Variants in GRID2 observed in about 807,000 individuals in gnomAD.
GRID2 encodes the protein glutamate receptor ionotropic, delta-2.
Under a neutral mutation model 114.8 loss-of-function variants are expected in GRID2, and 33 were observed. That is an observed-to-expected ratio of 0.29 (90% CI 0.22 to 0.38). The LOEUF is 0.38. Ranked by LOEUF, GRID2 falls within the 10% of genes least tolerant of loss-of-function variation. GRID2 has a pLI of 1.00. For missense variants in GRID2, 1,184 were observed against 1,257.7 expected (o/e 0.94, Z 0.89); for synonymous variants, 505 against 449.9 (o/e 1.12, Z -1.55).
intron 14 of GRID2, among the ~76,000 whole-genome samples, chr4:93,680,676 AC>A (rs1725430867): frequency 6.7e-6 from 1 of 149,188 alleles, no homozygotes; most frequent in South Asian, 2.1e-4. Context: ...AAAGACAAAA[AC>A]CACATGATTA....
rs562813655 is a variant in GRID2, at chr4:93,593,013, T to C, written c.2194-33256T>C. On this transcript the variant is annotated intron_variant, in intron 13 of 15. Coordinates refer to ENST00000282020, the MANE Select transcript of GRID2 (RefSeq NM_001510.4). The stretch of plus-strand genomic sequence containing the variant: ...TGATGGGTCTTGACTCTTTATCCAA[T>C]TTGCCAGTCTGTGTCTTTTAATTGG... 1.4e-4 allele frequency among the ~76,000 whole-genome samples: 22 copies of C among 151,874 alleles called. 1 individual carries two copies. In the South Asian group the frequency reaches 2.5e-3, roughly 17 times the overall value.
chr4:92,792,499 ACACACT>A (rs1402648671), intron 2 of GRID2, among the ~76,000 whole-genome samples: 3 of 143,216 alleles, frequency 2.1e-5, no homozygotes, highest in South Asian at 2.2e-4. Context: ...ACACACACAC[ACACACT>A]GTCACTCTCT....
intron 8 of GRID2, among the ~76,000 whole-genome samples, chr4:93,325,628 C>G (rs1757746478): frequency 6.6e-6 from 1 of 151,866 alleles, no homozygotes; most frequent in African/African-American, 2.4e-5. Flanking sequence ...TAGAAGTTCT[C>G]CCTCTTATTC....
rs1727857800 is a variant in GRID2 at position 92,347,923 on chromosome 4, G to A, written c.88+43179G>A. On this transcript the variant is annotated intron_variant, in intron 1 of 15. Coordinates refer to ENST00000282020, the MANE Select transcript of GRID2 (RefSeq NM_001510.4). ...AATAAGCTAATCATCTCTGAAAACA[G>A]CAGCAGCTTTATAAAATAAGTAATA... Among the ~76,000 whole-genome samples the A allele has an allele frequency of 2.0e-5, 3 of 152,114 alleles. No homozygotes were observed. In the South Asian group the frequency reaches 6.2e-4, roughly 32 times the overall value.
chr4:93,108,567 A>G (rs932811449), intron 3 of GRID2, among the ~76,000 whole-genome samples: 5 of 152,100 alleles, frequency 3.3e-5, no homozygotes, highest in Admixed American at 2.0e-4. Context: ...AAGTAACTCA[A>G]ATAAAGAACA....
intron 2 of GRID2, among the ~76,000 whole-genome samples, chr4:92,616,056 A>G (rs147072347): frequency 1.3e-5 from 2 of 151,768 alleles, no homozygotes; most frequent in Non-Finnish European, 1.5e-5. Flanking sequence ...ATTTGCCCAC[A>G]TAATTATCTT....
At chr4:93,523,559 AT>A (rs1304603135) in intron 13 of GRID2, among the ~76,000 whole-genome samples, 8 of 152,180 alleles carry the variant, frequency 5.3e-5, no homozygotes, top group Non-Finnish European at 8.8e-5. Context: ...TAATCTGGAA[AT>A]TTCAGACTTT....
intron 2 of GRID2, among the ~76,000 whole-genome samples, chr4:92,886,819 GT>G (rs1746403313): frequency 6.6e-6 from 1 of 151,982 alleles, no homozygotes; most frequent in African/African-American, 2.4e-5. Context: ...TAGAGACGGG[GT>G]TTCACCGTGT....
intron 11 of GRID2, among the ~76,000 whole-genome samples, chr4:93,484,036 T>TA (rs1726131674): frequency 1.3e-5 from 2 of 151,846 alleles, no homozygotes; most frequent in Non-Finnish European, 2.9e-5. Flanking sequence ...TAATTGTGGA[T>TA]AAAAAAAGGA....
At chr4:93,381,968 C>T (rs1456809739) in intron 8 of GRID2, among the ~76,000 whole-genome samples, 1 of 152,014 alleles carries the variant, frequency 6.6e-6, no homozygotes, top group Non-Finnish European at 1.5e-5. Context: ...CTTTTGTATA[C>T]CTAGAAATGC....
intron 2 of GRID2, among the ~76,000 whole-genome samples, chr4:92,777,786 A>T (rs903702717): frequency 6.6e-6 from 1 of 151,648 alleles, no homozygotes; most frequent in African/African-American, 2.4e-5. Flanking sequence ...GGCCATCTGC[A>T]AGCTGAGGGG....
At chr4:92,490,956 A>C (rs1723118653) in intron 1 of GRID2, among the ~76,000 whole-genome samples, 1 of 152,182 alleles carries the variant, frequency 6.6e-6, no homozygotes, top group Admixed American at 6.5e-5. Context: ...AATAAAAACA[A>C]AAATAGAATG....
intron 2 of GRID2, among the ~76,000 whole-genome samples, chr4:92,669,997 T>C (rs1361125889): frequency 2.6e-5 from 4 of 152,012 alleles, no homozygotes; most frequent in Admixed American, 2.0e-4. Flanking sequence ...GGTGATGAAA[T>C]ATCTTCACAG....
At chr4:92,555,924 A>G (rs185588507) in intron 1 of GRID2, among the ~76,000 whole-genome samples, 105 of 152,218 alleles carry the variant, frequency 6.9e-4, no homozygotes, top group African/African-American at 2.4e-3. Context: ...GTACTCAGGG[A>G]TGACTTTGAG....
intron 4 of GRID2, among the ~76,000 whole-genome samples, chr4:93,199,001 G>C (rs1579266151): frequency 6.6e-6 from 1 of 151,992 alleles, no homozygotes; most frequent in South Asian, 2.1e-4. Context: ...ACTCTGCCAA[G>C]GGTCATTTAG....
intron 1 of GRID2, among the ~76,000 whole-genome samples, chr4:92,334,575 A>G (rs1727066795): frequency 6.6e-6 from 1 of 151,532 alleles, no homozygotes; most frequent in East Asian, 1.9e-4. Flanking sequence ...GAGCAAGAGG[A>G]GTCTCAACTC....
intron 1 of GRID2, among the ~76,000 whole-genome samples, chr4:92,544,255 A>T (rs1726129429): frequency 6.6e-6 from 1 of 152,142 alleles, no homozygotes; most frequent in African/African-American, 2.4e-5. Context: ...ATTTTCTGAA[A>T]ATGTAACTGT....
At chr4:92,812,911 G>T (rs1365916106) in intron 2 of GRID2, among the ~76,000 whole-genome samples, 2 of 152,234 alleles carry the variant, frequency 1.3e-5, no homozygotes, top group East Asian at 1.9e-4. Context: ...AATGGGAAAA[G>T]AATGCATTAT....
chr4:92,817,280 C>T (rs952355207), intron 2 of GRID2, among the ~76,000 whole-genome samples: 3 of 151,972 alleles, frequency 2.0e-5, no homozygotes, highest in Non-Finnish European at 4.4e-5. Flanking sequence ...ATTTTATCCC[C>T]GCTTTTATCA....
Sources: allele counts gnomAD v4.1 joint callset (sites outside exome capture counted in the v4.1 genomes callset), GRCh38; gene constraint gnomAD v4.1.1; transcripts MANE v1.5; gene names NCBI Gene and HGNC (gene_info 2026-07-23, HGNC 2026-07-21).